Variants in ZNF701 observed in about 807,000 individuals in gnomAD.
The protein encoded by ZNF701 is zinc finger protein 701.
A neutral mutation model predicts 7.1 loss-of-function variants in ZNF701; 6 were observed. That is an observed-to-expected ratio of 0.84 (90% CI 0.46 to 1.66). ZNF701 has a LOEUF of 1.66. Ranked by LOEUF, ZNF701 falls within the 40% of genes most tolerant of loss-of-function variation. ZNF701 has a pLI of 0.01. For synonymous variants in ZNF701, 166 were observed against 188.2 expected (o/e 0.88, Z 0.97); for missense variants, 541 against 559.2 (o/e 0.97, Z 0.33).
chr19:52,577,745 G>A (rs2146985910), intron 3 of ZNF701, among the ~76,000 whole-genome samples: 1 of 152,138 alleles, frequency 6.6e-6, no homozygotes, highest in East Asian at 1.9e-4. Flanking sequence ...GGAGGAGTCA[G>A]GGAACACTCT....
chr19:52,571,948 C>A (rs1323835103), intron 1 of ZNF701, among the ~76,000 whole-genome samples: 1 of 152,102 alleles, frequency 6.6e-6, no homozygotes. Flanking sequence ...CTCAGCCTCC[C>A]TAGTAGCTGG....
intron 3 of ZNF701, among the ~76,000 whole-genome samples, chr19:52,578,122 C>T (rs10460183): frequency 0.31 from 46,830 of 150,996 alleles, 7,450 homozygotes; most frequent in South Asian, 0.34. Context: ...GGTGTGGTGG[C>T]GGGCACTTGT....
chr19:52,579,715 A>G (rs2059962920), intron 3 of ZNF701, among the ~76,000 whole-genome samples: 1 of 137,340 alleles, frequency 7.3e-6, no homozygotes, highest in African/African-American at 3.4e-5. Flanking sequence ...CTCTAGTAAA[A>G]TTACAAAAAT....
intron 1 of ZNF701, among the ~76,000 whole-genome samples, chr19:52,571,758 A>C (rs1600064457): frequency 6.6e-6 from 1 of 151,192 alleles, no homozygotes; most frequent in East Asian, 1.9e-4. Flanking sequence ...GTTTGTTTTG[A>C]GATGCACTTT....
chr19:52,597,341 C>T, the ZNF701 span: 2 of 540,702 alleles, frequency 3.7e-6, no homozygotes, highest in Non-Finnish European at 7.5e-6. Context: ...AGAAATCTTA[C>T]AAATGTCTTA....
downstream of ZNF701, chr19:52,588,595 A>C: frequency 2.5e-6 from 1 of 403,298 alleles, no homozygotes; most frequent in South Asian, 2.2e-5. Context: ...AAAAGGAGCC[A>C]GGGACGGCTC....
intron 1 of ZNF701, chr19:52,572,588 C>T (rs1169601305): frequency 5.5e-6 from 2 of 361,462 alleles, no homozygotes; most frequent in Non-Finnish European, 1.1e-5. Context: ...AATTCCGTTA[C>T]ATCTTTTCAC....
At position 52,582,493 on chromosome 19, in the gene ZNF701, A is replaced by T. The variant is rs774198123; in HGVS notation, c.434A>T (p.His145Leu). 6.2e-7 allele frequency: 1 copy of T among 1,614,230 alleles called. No individual in the cohort carries two copies. The highest frequency in any genetic ancestry group is 1.3e-5 in the African/African-American group (1 of 75,068). The change falls in exon 4 of 4, where the codon CAT becomes CTT. Residue 145 changes from histidine to leucine, a missense_variant. Coordinates refer to ENST00000391785, the MANE Select transcript of ZNF701 (RefSeq NM_018260.3). ...AAAAATGAGCTTGGATCAAGCTTTCATTCGCATCTGCCTGAAGTGCACATA... is the reference window on the plus strand; with the variant it reads ...AAAAATGAGCTTGGATCAAGCTTTCTTTCGCATCTGCCTGAAGTGCACATA... ...PIKNELGSSFHSHLPEVHIFH... is the reference protein window; with the variant it reads ...PIKNELGSSFLSHLPEVHIFH...
At position 52,584,755 on chromosome 19, in the gene ZNF701, GTGC is replaced by G. The variant is rs2059998210; in HGVS notation, c.*1303_*1305del. On this transcript the variant is annotated 3_prime_UTR_variant, in exon 4 of 4. Coordinates refer to ENST00000391785, the MANE Select transcript of ZNF701 (RefSeq NM_018260.3). The stretch of plus-strand genomic sequence containing the variant: ...TTTATGGAAATTCAATTAATTTTTG[GTGC>G]TGCTATTGCATTGTGCAAATCCACT... The G allele has an allele frequency of 6.6e-6, 1 of 152,020 alleles. No homozygotes were observed. The allele number at this position is 152,020 out of a possible 1,614,324, so 9.4% of individuals were successfully genotyped here. A position where few individuals can be genotyped will look rare whatever the true frequency, so the allele number is the denominator to read the frequency against.
At chr19:52,592,370 A>G in the ZNF701 span, 4 of 962,138 alleles carry the variant, frequency 4.2e-6, no homozygotes, top group Non-Finnish European at 6.1e-6. Context: ...TGACCCTCAT[A>G]TTTGTCATGG....
rs751075146 is a variant in ZNF701 at position 52,582,264 on chromosome 19, G to A, written c.205G>A (p.Val69Ile). The A allele has an allele frequency of 3.0e-5, 49 of 1,610,406 alleles. No individual in the cohort carries two copies. Among genetic ancestry groups the A allele is most frequent in the South Asian group, 7.8e-5 (7 of 90,312 alleles). ...AACAGGACAAGGCAATACAGAAGTG[G>A]TCCACACAGGGACATTGCAAATACA... ...SSTGQGNTEVVHTGTLQIHAS... is the reference protein window; with the variant it reads ...SSTGQGNTEVIHTGTLQIHAS... The change falls in exon 4 of 4, where the codon GTC becomes ATC. Residue 69 changes from valine to isoleucine, a missense_variant. By Grantham distance (29) the Val-to-Ile change is conservative. Transcript: ENST00000391785.
the ZNF701 span, chr19:52,595,780 A>C: frequency 4.4e-6 from 7 of 1,600,088 alleles, no homozygotes; most frequent in Non-Finnish European, 5.1e-6. Flanking sequence ...TTCAGTGGCA[A>C]GAAATTTAAA....
chr19:52,588,567 C>T, downstream of ZNF701: 2 of 399,928 alleles, frequency 5.0e-6, no homozygotes, highest in Non-Finnish European at 4.8e-6. Flanking sequence ...TGTAAGGAAG[C>T]CACCAAGAAG....
At chr19:52,571,343 G>C (rs1056438138) in intron 1 of ZNF701, among the ~76,000 whole-genome samples, 1 of 151,998 alleles carries the variant, frequency 6.6e-6, no homozygotes, top group Non-Finnish European at 1.5e-5. Context: ...GACGCCTGGG[G>C]ATCTGGGGTG....
chr19:52,597,123 C>A, the ZNF701 span: 1 of 882,522 alleles, frequency 1.1e-6, no homozygotes, highest in South Asian at 1.3e-5. Context: ...TTTCAGACAT[C>A]GATCATATCT....
At position 52,579,249 on chromosome 19, in the gene ZNF701, A is replaced by G. The variant is rs767712553; in HGVS notation, c.143-2953A>G. On this transcript the variant is annotated intron_variant, in intron 3 of 3. Transcript: ENST00000391785. ...TATGTTAAAGATCTTAAAGTTGGCC[A>G]GGCGCGGTGGCTCACGCCTGTAATC... Among the ~76,000 whole-genome samples, 98 of 141,678 alleles carry G rather than the reference A, an allele frequency of 6.9e-4. 2 individuals are homozygous for G. The highest frequency in any genetic ancestry group is 1.8e-4 in the Non-Finnish European group (12 of 67,442). 92.9% of individuals were successfully genotyped at this position (141,678 alleles called of 152,430 possible). A position where few individuals can be genotyped will look rare whatever the true frequency, so the allele number is the denominator to read the frequency against.
chr19:52,578,443 A>G (rs1375444059), intron 3 of ZNF701, among the ~76,000 whole-genome samples: 1 of 152,026 alleles, frequency 6.6e-6, no homozygotes, highest in Non-Finnish European at 1.5e-5. Context: ...TATGCAATAA[A>G]TATCAGCGCA....
chr19:52,570,343 C>A lies in ZNF701; in HGVS notation c.-72+13C>A. On this transcript the variant is annotated intron_variant, in intron 1 of 3. Transcript: ENST00000391785. ...TCGCACCGCGGCGGTGAGTTTTGCT[C>A]TGTGTTGTATTAAGTCTGCACTCCC... is the stretch of plus-strand genomic sequence containing the variant. 1 of 153,892 alleles carries A rather than the reference C, an allele frequency of 6.5e-6. No individual in the cohort carries two copies. The highest frequency in any genetic ancestry group is 1.9e-4 in the South Asian group (1 of 5,352). 9.5% of individuals were successfully genotyped at this position (153,892 alleles called of 1,614,324 possible). A position where few individuals can be genotyped will look rare whatever the true frequency, so the allele number is the denominator to read the frequency against.
intron 3 of ZNF701, among the ~76,000 whole-genome samples, chr19:52,580,007 T>C (rs1446795569): frequency 7.0e-6 from 1 of 142,732 alleles, no homozygotes; most frequent in African/African-American, 3.0e-5. Flanking sequence ...AGTGGCACGA[T>C]CTCAGCTCAC....
Sources: gnomAD v4.1 joint callset for allele counts (sites outside exome capture counted in the v4.1 genomes callset) on GRCh38, gnomAD v4.1.1 for gene constraint, MANE v1.5 for transcripts, NCBI Gene and HGNC (gene_info 2026-07-23, HGNC 2026-07-21) for gene names.